TMEM135: variants seen among roughly 807,000 people sequenced by gnomAD.
TMEM135 encodes the protein transmembrane protein 135.
Under a neutral mutation model 60.3 loss-of-function variants are expected in TMEM135, and 30 were observed. That is an observed-to-expected ratio of 0.50 (90% confidence interval 0.37 to 0.68). TMEM135 has a LOEUF of 0.68. Among genes scored for constraint, TMEM135 ranks in the 30% least tolerant of loss-of-function variants. TMEM135 has a pLI of 0.00. For missense variants in TMEM135, 468 were observed against 548.8 expected (o/e 0.85, Z 1.47); for synonymous variants, 190 against 186.7 (o/e 1.02, Z -0.14).
chr11:87,319,435 A>C, intron 14 of TMEM135, 58 bp downstream of exon 14: 1 of 1,270,126 alleles, frequency 7.9e-7, no homozygotes. Context: ...TTTTTGAGGG[A>C]ATATTCTTTC....
chr11:87,271,314 A>G (rs917514635), intron 6 of TMEM135, among the ~76,000 whole-genome samples: 8 of 152,210 alleles, frequency 5.3e-5, no homozygotes, highest in South Asian at 2.1e-4. Flanking sequence ...TATGATTTCA[A>G]TATGAATGAA....
intron 5 of TMEM135, chr11:87,178,314 A>G: frequency 2.3e-6 from 1 of 430,872 alleles, no homozygotes; most frequent in Non-Finnish European, 4.6e-6. Context: ...GCCAGGAACT[A>G]GGAACAAAGT....
rs184440899 is a variant in TMEM135 at position 87,300,079 on chromosome 11, A to G, written c.552-2217A>G. ...ACGCATGGTTTATTTGGAGAATGTCAAATAGTTCATTTAATTGTAATATAA... is the reference window on the plus strand; with the variant it reads ...ACGCATGGTTTATTTGGAGAATGTCGAATAGTTCATTTAATTGTAATATAA... On this transcript the variant is annotated intron_variant, in intron 7 of 14. Transcript: ENST00000305494. Among the ~76,000 whole-genome samples, 160 of 152,340 alleles carry G rather than the reference A, an allele frequency of 1.1e-3. 1 individual carries two copies. In the East Asian group the frequency reaches 0.028, roughly 27 times the overall value.
At chr11:87,258,886 AT>A (rs1941586123) in intron 6 of TMEM135, 1 of 1,003,512 alleles carries the variant, frequency 1.0e-6, no homozygotes, top group African/African-American at 1.6e-5. Context: ...AGCCCCTTGC[AT>A]TCTTCCTGAG....
chr11:87,136,927 G>T (rs985811742), intron 4 of TMEM135, among the ~76,000 whole-genome samples: 1 of 151,870 alleles, frequency 6.6e-6, no homozygotes, highest in Non-Finnish European at 1.5e-5. Context: ...GAAATGCCTT[G>T]TGTGGATCTG....
chr11:87,285,307 A>G (rs571292250), intron 6 of TMEM135, among the ~76,000 whole-genome samples: 5 of 152,182 alleles, frequency 3.3e-5, no homozygotes, highest in African/African-American at 4.8e-5. Flanking sequence ...AATTAAAACT[A>G]TGTCTGAAAT....
At chr11:87,288,280 GT>G (rs1420177154) in intron 6 of TMEM135, among the ~76,000 whole-genome samples, 3 of 152,094 alleles carry the variant, frequency 2.0e-5, no homozygotes, top group Non-Finnish European at 1.5e-5. Context: ...ACTTAACAGT[GT>G]TTCATACAGG....
chr11:87,210,476 A>G (rs980238713), intron 5 of TMEM135, among the ~76,000 whole-genome samples: 1 of 152,184 alleles, frequency 6.6e-6, no homozygotes. Context: ...AGAAATTAAA[A>G]TCCTGAACAT....
chr11:87,126,042 G>A (rs912486830), intron 4 of TMEM135, among the ~76,000 whole-genome samples: 2 of 152,094 alleles, frequency 1.3e-5, no homozygotes, highest in African/African-American at 4.8e-5. Flanking sequence ...GTGATATCAA[G>A]GAACAATATT....
At chr11:87,117,211 CAT>C (rs1857911700) in intron 4 of TMEM135, among the ~76,000 whole-genome samples, 1 of 152,180 alleles carries the variant, frequency 6.6e-6, no homozygotes, top group South Asian at 2.1e-4. Flanking sequence ...ATCAGGAAGT[CAT>C]AATCTTTGGA....
At chr11:87,195,373 CCTTCCTTCCTTCCTTCCT>C (rs1287999806) in intron 5 of TMEM135, among the ~76,000 whole-genome samples, 155 of 120,840 alleles carry the variant, frequency 1.3e-3, no homozygotes, top group African/African-American at 2.4e-3. Context: ...TTCCTTCCTT[CCTTCCTTCCTTCCTTCCT>C]TCTCTCTCTC....
chr11:87,117,269 C>T (rs1308408216), intron 4 of TMEM135, among the ~76,000 whole-genome samples: 1 of 152,146 alleles, frequency 6.6e-6, no homozygotes, highest in Non-Finnish European at 1.5e-5. Flanking sequence ...GTGGTAGTTG[C>T]TGAAGGTTGG....
chr11:87,039,655 C>T (rs1423595934), intron 1 of TMEM135, among the ~76,000 whole-genome samples: 1 of 152,120 alleles, frequency 6.6e-6, no homozygotes, highest in East Asian at 1.9e-4. Context: ...CTGCATAAGG[C>T]TCAGATTTGT....
rs368734683 is a variant in TMEM135 at position 87,067,831 on chromosome 11, C to G, written c.269+10C>G. The G allele has an allele frequency of 6.8e-5, 109 of 1,612,848 alleles. No individual in the cohort carries two copies. The highest frequency in any genetic ancestry group is 8.4e-5 in the Non-Finnish European group (99 of 1,179,382). The stretch of plus-strand genomic sequence containing the variant: ...TCTTTTGCATTTTAAGGTTGGTACT[C>G]ATAATCACCATAGATACTAATATAG... On this transcript the variant is annotated intron_variant, in intron 2 of 14. Coordinates refer to ENST00000305494, the MANE Select transcript of TMEM135 (RefSeq NM_022918.4).
At chr11:87,054,116 C>G (rs1235386929) in intron 1 of TMEM135, among the ~76,000 whole-genome samples, 1 of 152,202 alleles carries the variant, frequency 6.6e-6, no homozygotes, top group Non-Finnish European at 1.5e-5. Flanking sequence ...AAGATTTTAA[C>G]TAACTTGGCT....
At chr11:87,110,892 G>T (rs369074698) in intron 4 of TMEM135, among the ~76,000 whole-genome samples, 3 of 152,218 alleles carry the variant, frequency 2.0e-5, no homozygotes, top group African/African-American at 7.2e-5. Context: ...CTAGCATTGC[G>T]CAGTCATATT....
At chr11:87,149,886 T>G (rs1038292470) in intron 4 of TMEM135, among the ~76,000 whole-genome samples, 4 of 152,230 alleles carry the variant, frequency 2.6e-5, no homozygotes, top group Admixed American at 2.6e-4. Context: ...TATAATAGTT[T>G]TTTCAAAATG....
chr11:87,156,225 C>T (rs1188067763), intron 4 of TMEM135, among the ~76,000 whole-genome samples: 1 of 152,122 alleles, frequency 6.6e-6, no homozygotes, highest in African/African-American at 2.4e-5. Flanking sequence ...TCTTAGATGT[C>T]CATCTTTATG....
intron 5 of TMEM135, among the ~76,000 whole-genome samples, chr11:87,176,496 T>C (rs1474207056): frequency 6.6e-6 from 1 of 152,208 alleles, no homozygotes; most frequent in African/African-American, 2.4e-5. Context: ...GTGAGTTTGC[T>C]ATATAATGGC....
Sources: allele counts gnomAD v4.1 joint callset (sites outside exome capture counted in the v4.1 genomes callset), GRCh38; gene constraint gnomAD v4.1.1; transcripts MANE v1.5; gene names NCBI Gene and HGNC (gene_info 2026-07-23, HGNC 2026-07-21).